The following MYO16 variants were observed in gnomAD, a reference collection of about 807,000 sequenced individuals.
MYO16 encodes myosin XVI, also known as unconventional myosin-XVI.
Under a neutral mutation model 205.3 loss-of-function variants are expected in MYO16, and 94 were observed. The ratio of observed to expected loss-of-function variants is 0.46; its 90% confidence interval spans 0.39 to 0.54. The LOEUF (loss-of-function observed/expected upper bound fraction) is 0.54, where lower values mean the gene tolerates loss of function less well. Ranked by LOEUF, MYO16 falls within the 20% of genes least tolerant of loss-of-function variation. The pLI, the probability that MYO16 is intolerant of heterozygous loss-of-function variation, is 0.00. For missense variants in MYO16, 2,315 were observed against 2,387.5 expected (o/e 0.97, Z 0.63); for synonymous variants, 988 against 954.0 (o/e 1.04, Z -0.66).
intron 12 of MYO16, among the ~76,000 whole-genome samples, chr13:108,870,342 T>C (rs905071887): frequency 6.6e-6 from 1 of 152,026 alleles, no homozygotes; most frequent in Non-Finnish European, 1.5e-5. Flanking sequence ...AAGATAAGCC[T>C]CCAATTTTTC....
chr13:109,134,834 A>G (rs1226606380), intron 31 of MYO16, among the ~76,000 whole-genome samples: 1 of 152,204 alleles, frequency 6.6e-6, no homozygotes, highest in East Asian at 1.9e-4. Context: ...CTACCTCTGG[A>G]AAGGATATAC....
intron 34 of MYO16, among the ~76,000 whole-genome samples, chr13:109,183,728 A>G (rs1056925020): frequency 7.9e-5 from 12 of 152,214 alleles, no homozygotes; most frequent in African/African-American, 1.2e-4. Context: ...ATAAAAAGTT[A>G]TTATGCATAT....
chr13:108,767,615 A>G (rs959176793), intron 4 of MYO16, among the ~76,000 whole-genome samples: 1 of 152,066 alleles, frequency 6.6e-6, no homozygotes. Flanking sequence ...AATTGAAATT[A>G]TGTTATTTCC....
intron 21 of MYO16, among the ~76,000 whole-genome samples, chr13:109,001,356 T>TA (rs1324078412): frequency 6.6e-6 from 1 of 152,068 alleles, no homozygotes; most frequent in Non-Finnish European, 1.5e-5. Context: ...GGGGCTCTGG[T>TA]AAGGAAAGCA....
chr13:108,502,611 A>G, the MYO16 span, among the ~76,000 whole-genome samples: 1 of 152,220 alleles, frequency 6.6e-6, no homozygotes, highest in Non-Finnish European at 1.5e-5. Context: ...AAATAAACCC[A>G]GGAGGCTAAA....
chr13:108,742,103 G>T (rs1884929509), intron 4 of MYO16, among the ~76,000 whole-genome samples: 1 of 151,948 alleles, frequency 6.6e-6, no homozygotes, highest in African/African-American at 2.4e-5. Context: ...AGCAATTTTT[G>T]GGTCTCAGCT....
chr13:108,892,752 A>G (rs1261455716), intron 14 of MYO16, among the ~76,000 whole-genome samples: 1 of 152,224 alleles, frequency 6.6e-6, no homozygotes, highest in Admixed American at 6.5e-5. Context: ...TCCCCTCTAA[A>G]TTATATACAA....
At chr13:109,023,040 TACAC>T (rs562833957) in intron 23 of MYO16, among the ~76,000 whole-genome samples, 24 of 134,368 alleles carry the variant, frequency 1.8e-4, no homozygotes, top group African/African-American at 5.7e-4. Flanking sequence ...TATATATTAA[TACAC>T]ACATGTAAGT....
chr13:108,941,023 T>G lies in MYO16; in HGVS notation c.1926-16665T>G, dbSNP rs545413542. ...AATTTTTAATTAATTTGAACTTTCA[T>G]TGCTGCAGTGAGGTTTTCACACCAA... On this transcript the variant is annotated intron_variant, in intron 16 of 34. Transcript: ENST00000457511. Among the ~76,000 whole-genome samples, 25 of 152,304 alleles carry G rather than the reference T, an allele frequency of 1.6e-4. No homozygotes were observed. In the South Asian group the frequency reaches 4.4e-3, roughly 27 times the overall value.
chr13:108,548,192 C>T, the MYO16 span, among the ~76,000 whole-genome samples: 1 of 151,422 alleles, frequency 6.6e-6, no homozygotes, highest in Non-Finnish European at 1.5e-5. Context: ...TGTATTACTG[C>T]TGCTGCATAT....
intron 32 of MYO16, among the ~76,000 whole-genome samples, chr13:109,159,615 C>T (rs1483826496): frequency 6.6e-6 from 1 of 152,192 alleles, no homozygotes; most frequent in African/African-American, 2.4e-5. Flanking sequence ...ACAAAACAAA[C>T]AATTGGGCTG....
At chr13:108,798,686 T>TCA (rs1886866632) in intron 6 of MYO16, among the ~76,000 whole-genome samples, 1 of 100,534 alleles carries the variant, frequency 9.9e-6, no homozygotes, top group African/African-American at 3.6e-5. Context: ...GCCCCGAGGC[T>TCA]TATTTTTTTT....
At chr13:108,608,606 T>G in intron 1 of MYO16, among the ~76,000 whole-genome samples, 1 of 151,972 alleles carries the variant, frequency 6.6e-6, no homozygotes, top group East Asian at 1.9e-4. Context: ...TAAATACATA[T>G]ATATCAGTGC....
chr13:108,901,927 G>A (rs1182443535), intron 15 of MYO16, among the ~76,000 whole-genome samples: 1 of 152,096 alleles, frequency 6.6e-6, no homozygotes, highest in Non-Finnish European at 1.5e-5. Flanking sequence ...GTTGTTTCCT[G>A]GTTTTAAGAA....
intron 34 of MYO16, among the ~76,000 whole-genome samples, chr13:109,196,996 A>G (rs900284434): frequency 1.3e-5 from 2 of 152,100 alleles, no homozygotes; most frequent in Admixed American, 6.5e-5. Flanking sequence ...GAACAGTACA[A>G]TTTTTTCCGT....
chr13:108,502,216 A>C, the MYO16 span, among the ~76,000 whole-genome samples: 1 of 152,200 alleles, frequency 6.6e-6, no homozygotes, highest in South Asian at 2.1e-4. Context: ...CCATCTCAAA[A>C]AACAAAAAGC....
At chr13:109,082,882 T>C (rs1287300543) in intron 27 of MYO16, among the ~76,000 whole-genome samples, 4 of 152,116 alleles carry the variant, frequency 2.6e-5, no homozygotes, top group Non-Finnish European at 5.9e-5. Flanking sequence ...ACCTGTGAGA[T>C]GCTAAGGCAG....
At chr13:108,629,164 T>C (rs546397559), upstream of MYO16, 1 of 152,328 alleles carries the variant, frequency 6.6e-6, no homozygotes, top group South Asian at 2.1e-4. Flanking sequence ...TTTTACATTC[T>C]GCTCAGAAAA....
chr13:108,537,216 A>C, the MYO16 span, among the ~76,000 whole-genome samples: 1 of 152,074 alleles, frequency 6.6e-6, no homozygotes, highest in Non-Finnish European at 1.5e-5. Context: ...TGTACCCATC[A>C]TTTAGTTCCC....
Sources: allele counts gnomAD v4.1 joint callset (sites outside exome capture counted in the v4.1 genomes callset), GRCh38; gene constraint gnomAD v4.1.1; transcripts MANE v1.5; gene names NCBI Gene and HGNC (gene_info 2026-07-23, HGNC 2026-07-21).